Variants in CHFR observed in about 807,000 individuals in gnomAD.
CHFR encodes the protein checkpoint with forkhead and ring finger domains, also known as E3 ubiquitin-protein ligase CHFR.
A neutral mutation model predicts 87.6 loss-of-function variants in CHFR; 57 were observed. The ratio of observed to expected loss-of-function variants is 0.65; its 90% CI spans 0.53 to 0.81. CHFR has a LOEUF of 0.81. Among genes scored for constraint, CHFR ranks in the 30% least tolerant of loss-of-function variants. CHFR has a pLI of 0.00. For synonymous variants in CHFR, 381 were observed against 359.2 expected, an observed-to-expected ratio of 1.06 and a Z score of -0.69; for missense variants, 797 against 865.8, an observed-to-expected ratio of 0.92 and a Z score of 1.00.
chr12:132,877,772 A>G, intron 2 of CHFR, 118 bp from the exon 3 acceptor site: 1 of 523,726 alleles, frequency 1.9e-6, no homozygotes, highest in Non-Finnish European at 3.3e-6. Context: ...CATATGTAAA[A>G]AAAAACACTT....
intron 10 of CHFR, chr12:132,854,190 A>C (rs972052194): frequency 1.3e-5 from 2 of 152,288 alleles, no homozygotes; most frequent in East Asian, 3.8e-4. Context: ...AACAAGGCAC[A>C]GTGAAAAGAC....
chr12:132,876,667 T>A (rs984705041), intron 3 of CHFR, among the ~76,000 whole-genome samples: 1 of 152,224 alleles, frequency 6.6e-6, no homozygotes, highest in Non-Finnish European at 1.5e-5. Context: ...ACATACTTAA[T>A]TTGAATACAT....
intron 12 of CHFR, among the ~76,000 whole-genome samples, chr12:132,851,108 A>G (rs1038349800): frequency 6.6e-6 from 1 of 151,906 alleles, no homozygotes; most frequent in African/African-American, 2.4e-5. Flanking sequence ...CTTTGGCCTC[A>G]GCCTCCCGAG....
intron 16 of CHFR, 85 bp from the exon 17 acceptor site, chr12:132,843,168 C>T (rs946212509): frequency 2.4e-6 from 3 of 1,238,772 alleles, no homozygotes; most frequent in African/African-American, 1.5e-5. Flanking sequence ...GACCCAACGA[C>T]AGACGCTGCG....
At chr12:132,882,653 C>T (rs11147141) in intron 2 of CHFR, among the ~76,000 whole-genome samples, 23,106 of 151,790 alleles carry the variant, frequency 0.15, 2,278 homozygotes, top group Admixed American at 0.21. Context: ...GTGCAAGTCA[C>T]GGTGTCGCCA....
intron 4 of CHFR, 21 bp downstream of exon 4, chr12:132,872,264 G>T: frequency 6.5e-7 from 1 of 1,545,830 alleles, no homozygotes; most frequent in Non-Finnish European, 8.9e-7. Flanking sequence ...TCTGACCCCG[G>T]CAAGCCTTCC....
Position 132,835,932 on chromosome 12 carries a change from ACAGGC to A in CHFR, c.*5617_*5621del, listed in dbSNP as rs1566167702. On this transcript the variant is annotated 3_prime_UTR_variant, in exon 18 of 18. Transcript: ENST00000450056. ...AGCACGGCGCACGGCACTCACAGTG[ACAGGC>A]TCCCAGCACGGCGCACGGCACTCAC... is the stretch of plus-strand genomic sequence containing the variant. 2 of 127,182 alleles carry A rather than the reference ACAGGC, an allele frequency of 1.6e-5. No individual in the cohort carries two copies. The highest frequency in any genetic ancestry group is 6.6e-4 in the East Asian group (1 of 1,506). 7.9% of individuals were successfully genotyped at this position (127,182 alleles called of 1,614,324 possible).
intron 2 of CHFR, among the ~76,000 whole-genome samples, chr12:132,878,082 G>A (rs1475872228): frequency 6.6e-6 from 1 of 152,126 alleles, no homozygotes; most frequent in African/African-American, 2.4e-5. Context: ...GATTACAGGC[G>A]TGAGCCACCG....
intron 2 of CHFR, among the ~76,000 whole-genome samples, chr12:132,879,167 G>A (rs1951708287): frequency 6.6e-6 from 1 of 151,394 alleles, no homozygotes; most frequent in East Asian, 2.0e-4. Context: ...ACCATACCCA[G>A]CTAATTTTTT....
chr12:132,859,033 C>T, intron 8 of CHFR, 35 bp downstream of exon 8: 1 of 1,596,116 alleles, frequency 6.3e-7, no homozygotes. Context: ...CCTGCAGTGC[C>T]ATGTTCCGTG....
At chr12:132,849,826 G>A (rs1593455444) in intron 12 of CHFR, 1 of 152,212 alleles carries the variant, frequency 6.6e-6, no homozygotes, top group Admixed American at 6.6e-5. Context: ...CTGACCTCAG[G>A]TCATCCGCCT....
intron 16 of CHFR, 42 bp downstream of exon 16, chr12:132,843,985 C>T: frequency 7.5e-7 from 1 of 1,338,552 alleles, no homozygotes; most frequent in Non-Finnish European, 1.1e-6. Context: ...AGAAGCCAAC[C>T]CAGACAGAAC....
chr12:132,873,287 T>C (rs1273155102), intron 3 of CHFR, among the ~76,000 whole-genome samples: 1 of 152,036 alleles, frequency 6.6e-6, no homozygotes, highest in Non-Finnish European at 1.5e-5. Flanking sequence ...TTGCCACTAC[T>C]CAGCTCTGCC....
At chr12:132,842,689 C>T (rs926454439) in intron 17 of CHFR, among the ~76,000 whole-genome samples, 3 of 152,354 alleles carry the variant, frequency 2.0e-5, no homozygotes, top group East Asian at 1.9e-4. Flanking sequence ...AGCTGTGCAG[C>T]GCTTTGCGAG....
chr12:132,855,278 C>T (rs1452226992), intron 10 of CHFR, among the ~76,000 whole-genome samples: 1 of 151,024 alleles, frequency 6.6e-6, no homozygotes. Context: ...AAAAATTAGC[C>T]AAGTTTGGTG....
In CHFR at chr12:132,853,049, G is replaced by A. The variant is rs576877338; in HGVS notation, c.1372+382C>T. Reference sequence around the variant, plus strand: ...ACGCAGGGCAGCTTCTGGTGACATCGCCACTGCTGGGGAGAAGCCCGCCTC... The same window carrying A: ...ACGCAGGGCAGCTTCTGGTGACATCACCACTGCTGGGGAGAAGCCCGCCTC... On this transcript the variant is annotated intron_variant, in intron 11 of 17. Transcript: ENST00000450056. Among the ~76,000 whole-genome samples, 257 of 152,296 alleles carry A rather than the reference G, an allele frequency of 1.7e-3. 2 individuals carry two copies. The highest frequency in any genetic ancestry group is 2.9e-3 in the East Asian group (15 of 5,182).
Position 132,887,239 on chromosome 12 carries a change from G to A in CHFR, c.90C>T (p.His30=). 2 of 1,504,140 alleles carry A rather than the reference G, an allele frequency of 1.3e-6. No homozygotes were observed. Among genetic ancestry groups the A allele is most frequent in the Non-Finnish European group, 1.8e-6 (2 of 1,133,260 alleles). The allele number at this position is 1,504,140 out of a possible 1,614,324, so 93.2% of individuals were successfully genotyped here. The change falls in exon 2 of 18, where the codon CAC becomes CAT. Residue 30 remains histidine (H), a synonymous_variant. Coordinates refer to ENST00000450056, the MANE Select transcript of CHFR (RefSeq NM_001161346.2). The part of the protein sequence containing the change: ...LRLGAEEGEP[H]VLLRKREWTI... ...TCCACTCCCGCTTCCTCAGGAGGAC[G>A]TGCGGCTCGCCCTCCTCCGCGCCCA...
At chr12:132,849,422 G>A (rs1252632301) in intron 12 of CHFR, 1 of 151,428 alleles carries the variant, frequency 6.6e-6, no homozygotes, top group Non-Finnish European at 1.5e-5. Flanking sequence ...CACTGCACCC[G>A]GCCTCAGACC....
At chr12:132,860,557 T>A (rs1269390043) in intron 7 of CHFR, among the ~76,000 whole-genome samples, 1 of 152,214 alleles carries the variant, frequency 6.6e-6, no homozygotes, top group African/African-American at 2.4e-5. Flanking sequence ...AGAACCTTCC[T>A]GTCACAGTGC....
Sources: allele counts gnomAD v4.1 joint callset (sites outside exome capture counted in the v4.1 genomes callset), GRCh38; gene constraint gnomAD v4.1.1; transcripts MANE v1.5; gene names NCBI Gene and HGNC (gene_info 2026-07-23, HGNC 2026-07-21).